The following C10orf90 variants were observed in gnomAD, a reference collection of about 807,000 sequenced individuals.
C10orf90 encodes (E2-independent) E3 ubiquitin-conjugating enzyme FATS.
C10orf90 carries 56 observed loss-of-function variants against 62.5 expected under a neutral mutation model. The observed-to-expected ratio is 0.90, with a 90% CI of 0.72 to 1.12. The LOEUF (loss-of-function observed/expected upper bound fraction) is 1.12. C10orf90 is among the 50% of genes most tolerant of loss of function. The pLI is 0.00. For synonymous variants in C10orf90, 386 were observed against 340.4 expected, an observed-to-expected ratio of 1.13 and a Z score of -1.47; for missense variants, 970 against 880.4, an observed-to-expected ratio of 1.10 and a Z score of -1.29.
intron 1 of C10orf90, among the ~76,000 whole-genome samples, chr10:126,669,359 C>G (rs1406270931): frequency 1.3e-5 from 2 of 152,226 alleles, no homozygotes; most frequent in Non-Finnish European, 2.9e-5. Context: ...TCCTTCTGCC[C>G]AGCCTGGGGA....
At chr10:126,487,923 C>T (rs1446555398) in intron 4 of C10orf90, among the ~76,000 whole-genome samples, 1 of 152,124 alleles carries the variant, frequency 6.6e-6, no homozygotes, top group African/African-American at 2.4e-5. Context: ...TTCTAAGATT[C>T]TAACTTGCTC....
At chr10:126,644,545 TA>T (rs1332315616) in intron 2 of C10orf90, among the ~76,000 whole-genome samples, 1 of 152,146 alleles carries the variant, frequency 6.6e-6, no homozygotes, top group African/African-American at 2.4e-5. Context: ...ATTGGCAGAC[TA>T]AAAAAAGAGA....
In C10orf90 at chr10:126,508,158, TGA is replaced by T. The variant is rs57143666; in HGVS notation, c.406-3075_406-3074del. Among the ~76,000 whole-genome samples the T allele has an allele frequency of 1.6e-3, 211 of 131,498 alleles. 2 individuals carry two copies. Among genetic ancestry groups the T allele is most frequent in the East Asian group, 8.3e-3 (35 of 4,240 alleles). 86.3% of individuals were successfully genotyped at this position (131,498 alleles called of 152,430 possible). On this transcript the variant is annotated intron_variant, in intron 3 of 9. Transcript: ENST00000488181. ...AAACCACCTAGAGTGAATGAGTGAG[TGA>T]GAGAGAGAGAGAGAGAGAGAGAGAG... is the stretch of plus-strand genomic sequence containing the variant.
Position 126,504,537 on chromosome 10 carries a change from C to A in C10orf90, c.954G>T (p.Lys318Asn). 6.2e-7 allele frequency: 1 copy of A among 1,614,230 alleles called. No homozygotes were observed. Among genetic ancestry groups the A allele is most frequent in the Non-Finnish European group, 8.5e-7 (1 of 1,180,040 alleles). ...TGTCGTCTGCATGGGTGACCCAGTA[C>A]TTGCGTCTCTCACACAACCCAGTGT... ...EAHTGLCERR[K>N]YWVTHADDKE... is the part of the protein sequence containing the mutation. The change falls in exon 4 of 10, where the codon AAG becomes AAT. Residue 318 changes from lysine (K) to asparagine (N), a missense_variant. Coordinates refer to ENST00000488181, the MANE Select transcript of C10orf90 (RefSeq NM_001350921.2). This position sits in a 1 kb window ranked among gnomAD's most constrained non-coding sequence, Gnocchi z 4.1.
At position 126,540,296 on chromosome 10, in the gene C10orf90, T is replaced by C. The variant is rs897963944; in HGVS notation, c.314-26357A>G. On this transcript the variant is annotated intron_variant, in intron 2 of 9. Transcript: ENST00000488181. ...AGTCATACCTGCCCAAGTTAATTTA[T>C]GAAATTCCAGATTTAATCAAAAACT... Among the ~76,000 whole-genome samples, 16 of 152,354 alleles carry C rather than the reference T, an allele frequency of 1.1e-4. No individual in the cohort carries two copies. In the South Asian group the frequency reaches 1.9e-3, roughly 18 times the overall value.
At chr10:126,427,275 G>A (rs1857318248) in intron 8 of C10orf90, among the ~76,000 whole-genome samples, 1 of 152,232 alleles carries the variant, frequency 6.6e-6, no homozygotes, top group African/African-American at 2.4e-5. Flanking sequence ...CTATAAAGGA[G>A]TCAGTTAGAA....
chr10:126,476,286 A>C (rs1478813885), intron 4 of C10orf90, among the ~76,000 whole-genome samples: 1 of 152,088 alleles, frequency 6.6e-6, no homozygotes, highest in Non-Finnish European at 1.5e-5. Context: ...AACCTCAATC[A>C]CATCAACCCA....
intron 4 of C10orf90, among the ~76,000 whole-genome samples, chr10:126,490,809 T>C (rs1298118160): frequency 6.6e-6 from 1 of 152,104 alleles, no homozygotes; most frequent in Non-Finnish European, 1.5e-5. Flanking sequence ...CCATCACTTC[T>C]ACTCAACATT....
intron 2 of C10orf90, among the ~76,000 whole-genome samples, chr10:126,640,309 A>G (rs1846034995): frequency 6.6e-6 from 1 of 152,222 alleles, no homozygotes; most frequent in African/African-American, 2.4e-5. Flanking sequence ...AAGAGCAGAA[A>G]GGCAGATGTT....
intron 4 of C10orf90, among the ~76,000 whole-genome samples, chr10:126,487,883 C>A (rs2133824738): frequency 6.6e-6 from 1 of 152,242 alleles, no homozygotes; most frequent in South Asian, 2.1e-4. Context: ...AGTAGTATCT[C>A]TGTTTGAGGG....
chr10:126,541,260 T>C (rs1864369339), intron 2 of C10orf90, among the ~76,000 whole-genome samples: 1 of 152,104 alleles, frequency 6.6e-6, no homozygotes, highest in Non-Finnish European at 1.5e-5. Context: ...ACATGGATGT[T>C]ACTGGAAAAT....
intron 2 of C10orf90, among the ~76,000 whole-genome samples, chr10:126,642,342 C>T (rs1376133285): frequency 1.3e-5 from 2 of 152,070 alleles, no homozygotes; most frequent in Admixed American, 6.6e-5. Flanking sequence ...ACCATCCTGG[C>T]TAACATGGTG....
chr10:126,620,939 G>T lies in C10orf90; in HGVS notation c.313+25626C>A, dbSNP rs11245068. ...GGTCTTTATTTTATATGCATAGTTT[G>T]TCACTGTTTTTTAATTTGACATAAG... is the stretch of plus-strand genomic sequence containing the variant. On this transcript the variant is annotated intron_variant, in intron 2 of 9. Transcript: ENST00000488181. Among the ~76,000 whole-genome samples, 27 of 152,220 alleles carry T rather than the reference G, an allele frequency of 1.8e-4. No individual in the cohort carries two copies. In the East Asian group the frequency reaches 4.8e-3, roughly 27 times the overall value.
intron 2 of C10orf90, among the ~76,000 whole-genome samples, chr10:126,563,200 G>A (rs773200712): frequency 2.5e-4 from 38 of 152,354 alleles, no homozygotes; most frequent in Admixed American, 9.8e-4. Flanking sequence ...GGCCCCAAGA[G>A]GGGAGTTCAT....
chr10:126,500,416 CT>C (rs1466740117), intron 4 of C10orf90, among the ~76,000 whole-genome samples: 1 of 152,170 alleles, frequency 6.6e-6, no homozygotes, highest in East Asian at 1.9e-4. Flanking sequence ...GATAATGATA[CT>C]CTTTACAGAT....
chr10:126,638,576 C>G (rs1411251430), intron 2 of C10orf90, among the ~76,000 whole-genome samples: 2 of 152,168 alleles, frequency 1.3e-5, no homozygotes, highest in African/African-American at 4.8e-5. Context: ...GCCAGGCCCT[C>G]CTGGTGAAAG....
At chr10:126,560,297 A>G (rs1234478055) in intron 2 of C10orf90, among the ~76,000 whole-genome samples, 2 of 152,210 alleles carry the variant, frequency 1.3e-5, no homozygotes, top group East Asian at 1.9e-4. Flanking sequence ...ATTCACTTGC[A>G]ATAGGAGGAA....
At chr10:126,558,670 C>T (rs867719608) in intron 2 of C10orf90, among the ~76,000 whole-genome samples, 60 of 152,346 alleles carry the variant, frequency 3.9e-4, no homozygotes, top group African/African-American at 1.3e-3. Flanking sequence ...CCTCAGCATC[C>T]GTTCCATTTG....
At chr10:126,577,558 G>C (rs1329154508) in intron 2 of C10orf90, among the ~76,000 whole-genome samples, 1 of 152,020 alleles carries the variant, frequency 6.6e-6, no homozygotes, top group African/African-American at 2.4e-5. Context: ...CCATGTTCAT[G>C]GATTAGAAGA....
Sources: allele counts gnomAD v4.1 joint callset (sites outside exome capture counted in the v4.1 genomes callset), GRCh38; gene constraint gnomAD v4.1.1; non-coding constraint Gnocchi (gnomAD v3.1); transcripts MANE v1.5; gene names NCBI Gene and HGNC (gene_info 2026-07-23, HGNC 2026-07-21).